GALNT17: variants seen among roughly 807,000 people sequenced by gnomAD.
The protein encoded by GALNT17 is polypeptide N-acetylgalactosaminyltransferase 17.
GALNT17 carries 29 observed loss-of-function variants against 63.7 expected under a neutral mutation model. The ratio of observed to expected loss-of-function variants is 0.46; its 90% CI spans 0.34 to 0.62. The LOEUF (loss-of-function observed/expected upper bound fraction) is 0.62, where lower values mean the gene tolerates loss of function less well. Ranked by LOEUF, GALNT17 falls within the 20% of genes least tolerant of loss-of-function variation. The pLI, the probability that GALNT17 is intolerant of heterozygous loss-of-function variation, is 0.01. For synonymous variants in GALNT17, 305 were observed against 318.3 expected, an observed-to-expected ratio of 0.96 and a Z score of 0.45; for missense variants, 603 against 799.6, an observed-to-expected ratio of 0.75 and a Z score of 2.97.
At chr7:71,288,664 C>A (rs7808685) in intron 1 of GALNT17, among the ~76,000 whole-genome samples, 151,355 of 152,210 alleles carry the variant, frequency 0.99, 75,256 homozygotes, top group East Asian at 1. Context: ...TTGCGTTTAG[C>A]TGGGTTCCTG....
intron 1 of GALNT17, among the ~76,000 whole-genome samples, chr7:71,252,716 C>T (rs1790222276): frequency 6.6e-6 from 1 of 152,112 alleles, no homozygotes; most frequent in Non-Finnish European, 1.5e-5. Flanking sequence ...CCTTGGAGCC[C>T]TCAACTTACT....
intron 1 of GALNT17, among the ~76,000 whole-genome samples, chr7:71,180,331 C>A (rs1788713771): frequency 6.6e-6 from 1 of 151,934 alleles, no homozygotes; most frequent in South Asian, 2.1e-4. Context: ...TCACTCCCAC[C>A]CAGGCTGTTC....
intron 1 of GALNT17, among the ~76,000 whole-genome samples, chr7:71,218,427 C>T (rs907801779): frequency 6.6e-6 from 1 of 152,206 alleles, no homozygotes; most frequent in Admixed American, 6.5e-5. Flanking sequence ...AGGACAGCTG[C>T]AAAACCCTCC....
chr7:71,555,501 C>T (rs1023889248), intron 5 of GALNT17, among the ~76,000 whole-genome samples: 23 of 150,318 alleles, frequency 1.5e-4, no homozygotes, highest in Admixed American at 4.0e-4. Flanking sequence ...AGGGGTCTGC[C>T]CTCATGACCC....
chr7:71,471,410 A>C (rs1186819668), intron 5 of GALNT17, among the ~76,000 whole-genome samples: 7 of 149,424 alleles, frequency 4.7e-5, no homozygotes, highest in African/African-American at 7.4e-5. Context: ...AAAAAAAAAA[A>C]AAAACAAAAA....
At chr7:71,516,543 G>A (rs944702939) in intron 5 of GALNT17, among the ~76,000 whole-genome samples, 8 of 152,182 alleles carry the variant, frequency 5.3e-5, no homozygotes, top group Non-Finnish European at 1.0e-4. Flanking sequence ...TGTCTCCTGG[G>A]TAGCTTGCTG....
At chr7:71,276,545 T>C (rs187652440) in intron 1 of GALNT17, among the ~76,000 whole-genome samples, 1 of 152,316 alleles carries the variant, frequency 6.6e-6, no homozygotes, top group African/African-American at 2.4e-5. Context: ...ATAAGTCTTA[T>C]GAGATCTGAT....
chr7:71,510,334 TC>T lies in GALNT17; in HGVS notation c.963-60950del, dbSNP rs532421199. 1.1e-4 allele frequency among the ~76,000 whole-genome samples: 16 copies of T among 152,278 alleles called. 1 individual carries two copies. The East Asian group carries it at 2.9e-3, about 27-fold the overall frequency. On this transcript the variant is annotated intron_variant, in intron 5 of 10. Transcript: ENST00000333538. ...TCCATTTTAGACCATTTTCATTACC[TC>T]AGAAAGAGACCCCATACTTCTTAGC...
intron 1 of GALNT17, among the ~76,000 whole-genome samples, chr7:71,219,849 G>T (rs1210846096): frequency 2.0e-5 from 3 of 152,160 alleles, no homozygotes; most frequent in African/African-American, 7.2e-5. Context: ...AATATGTTTG[G>T]TAGCTTTCTG....
chr7:71,658,107 A>T (rs773874692), intron 6 of GALNT17, among the ~76,000 whole-genome samples: 2 of 152,086 alleles, frequency 1.3e-5, no homozygotes, highest in Non-Finnish European at 2.9e-5. Flanking sequence ...TGGTCTCGCC[A>T]TGTTGCCCAG....
At chr7:71,449,103 A>ATTTTTTTT (rs1583963031) in intron 5 of GALNT17, among the ~76,000 whole-genome samples, 13 of 45,604 alleles carry the variant, frequency 2.9e-4, no homozygotes, top group East Asian at 2.1e-3. Context: ...ACAGCTGCCT[A>ATTTTTTTT]TTTTCTTTTT....
Position 71,388,259 on chromosome 7 carries a change from G to C in GALNT17, c.447G>C (p.Lys149Asn), listed in dbSNP as rs1267055170. The change falls in exon 3 of 11, where the codon AAG (lysine) becomes AAC (asparagine). Residue 149 changes from lysine to asparagine, a missense_variant. By Grantham distance (94) the Lys-to-Asn change is moderately conservative. This residue lies in a region of GALNT17 where 195 missense variants were observed against 215.0 expected (regional missense o/e 0.91). Coordinates refer to ENST00000333538, the MANE Select transcript of GALNT17 (RefSeq NM_022479.3). ...GGTGTAAGGAGCTCAAGTACTCCAA[G>C]GACCTGCCCCAGATATCCATCATAT... is the stretch of plus-strand genomic sequence containing the variant. ...PTKCKELKYS[K>N]DLPQISIIFI... is the part of the protein sequence containing the mutation. 1 of 1,613,910 alleles carries C rather than the reference G, an allele frequency of 6.2e-7. No individual in the cohort carries two copies. The highest frequency in any genetic ancestry group is 1.7e-5 in the Admixed American group (1 of 59,986).
At chr7:71,489,303 C>T (rs1787968675) in intron 5 of GALNT17, among the ~76,000 whole-genome samples, 1 of 152,150 alleles carries the variant, frequency 6.6e-6, no homozygotes, top group Non-Finnish European at 1.5e-5. Context: ...TGACTATCGT[C>T]TTAAAATGCT....
intron 6 of GALNT17, among the ~76,000 whole-genome samples, chr7:71,592,163 G>C (rs1174690301): frequency 6.6e-6 from 1 of 152,052 alleles, no homozygotes; most frequent in Non-Finnish European, 1.5e-5. Flanking sequence ...GAGCAGGAAG[G>C]AATCAAGGCT....
At chr7:71,549,518 G>A (rs948415239) in intron 5 of GALNT17, among the ~76,000 whole-genome samples, 1 of 152,166 alleles carries the variant, frequency 6.6e-6, no homozygotes, top group African/African-American at 2.4e-5. Flanking sequence ...TGATGCTGCA[G>A]TGAGCTACGA....
At chr7:71,554,283 A>G (rs1232047549) in intron 5 of GALNT17, among the ~76,000 whole-genome samples, 2 of 152,068 alleles carry the variant, frequency 1.3e-5, no homozygotes, top group African/African-American at 4.8e-5. Context: ...ATAGTGGATA[A>G]ATCTCGTGAG....
intron 3 of GALNT17, among the ~76,000 whole-genome samples, chr7:71,413,008 A>G (rs563174652): frequency 6.6e-6 from 1 of 152,306 alleles, no homozygotes; most frequent in South Asian, 2.1e-4. Flanking sequence ...ACGCCACTGT[A>G]CTCCAGCCTG....
chr7:71,152,339 T>G (rs1788151114), intron 1 of GALNT17, among the ~76,000 whole-genome samples: 1 of 152,156 alleles, frequency 6.6e-6, no homozygotes, highest in African/African-American at 2.4e-5. Context: ...TACAAATGGG[T>G]GGCTTGAATT....
At chr7:71,153,346 A>T (rs1209426952) in intron 1 of GALNT17, among the ~76,000 whole-genome samples, 1 of 152,228 alleles carries the variant, frequency 6.6e-6, no homozygotes, top group Non-Finnish European at 1.5e-5. Context: ...TGTTATTGAC[A>T]TCGCCGTGGT....
Sources: allele counts gnomAD v4.1 joint callset (sites outside exome capture counted in the v4.1 genomes callset), GRCh38; gene constraint gnomAD v4.1.1; regional missense constraint gnomAD v4.1.1; transcripts MANE v1.5; gene names NCBI Gene and HGNC (gene_info 2026-07-23, HGNC 2026-07-21).